Variants in ZFAT observed in about 807,000 individuals in gnomAD.
ZFAT encodes the protein zinc finger protein ZFAT.
In ZFAT, 64 loss-of-function variants were observed where a neutral mutation model predicts 117.7. The observed-to-expected ratio is 0.54, with a 90% CI of 0.44 to 0.67. The LOEUF (loss-of-function observed/expected upper bound fraction) is 0.67. Ranked by LOEUF, ZFAT falls within the 30% of genes least tolerant of loss-of-function variation. The pLI is 0.00. For synonymous variants in ZFAT, 679 were observed against 615.0 expected, an observed-to-expected ratio of 1.10 and a Z score of -1.54; for missense variants, 1,433 against 1,584.5, an observed-to-expected ratio of 0.90 and a Z score of 1.62.
At chr8:134,500,943 T>C (rs754233) in intron 15 of ZFAT, among the ~76,000 whole-genome samples, 8,592 of 152,312 alleles carry the variant, frequency 0.056, 420 homozygotes, top group East Asian at 0.29. Context: ...CAATTAAAGT[T>C]GGCAGAGGCC....
chr8:134,807,754 G>T, the ZFAT span, among the ~76,000 whole-genome samples: 1 of 149,232 alleles, frequency 6.7e-6, no homozygotes, highest in Non-Finnish European at 1.5e-5. Context: ...CTCCCAAAGA[G>T]ACTCTATTCT....
At chr8:134,680,218 C>T (rs1181059587) in intron 1 of ZFAT, among the ~76,000 whole-genome samples, 3 of 144,404 alleles carry the variant, frequency 2.1e-5, no homozygotes, top group Non-Finnish European at 1.5e-5. Flanking sequence ...GCCATGATCG[C>T]ACCACTGTAC....
intron 2 of ZFAT, among the ~76,000 whole-genome samples, chr8:134,642,130 C>A: frequency 6.6e-6 from 1 of 152,314 alleles, no homozygotes; most frequent in South Asian, 2.1e-4. Context: ...AGGGACACAA[C>A]GGTTCAAGTG....
At chr8:134,788,116 A>G in the ZFAT span, among the ~76,000 whole-genome samples, 12 of 152,160 alleles carry the variant, frequency 7.9e-5, no homozygotes, top group Admixed American at 4.6e-4. Context: ...TTTAGACTTC[A>G]AAGAACCAAC....
At chr8:134,586,858 T>A (rs1387098471) in intron 9 of ZFAT, among the ~76,000 whole-genome samples, 2 of 152,218 alleles carry the variant, frequency 1.3e-5, no homozygotes, top group African/African-American at 4.8e-5. Context: ...CACCACTTGT[T>A]AGCTGTGTGA....
the ZFAT span, among the ~76,000 whole-genome samples, chr8:134,762,011 T>TGTGTGC: frequency 1.3e-5 from 2 of 150,136 alleles, no homozygotes; most frequent in South Asian, 2.1e-4. Context: ...TGTGTGTGTG[T>TGTGTGC]GCAAATGTGT....
Position 134,614,250 on chromosome 8 carries a change from A to T in ZFAT, c.449-3595T>A, listed in dbSNP as rs113979711. On this transcript the variant is annotated intron_variant, in intron 3 of 15. Transcript: ENST00000377838. ...CATCAAGGCCATGACTTGCAAGCAC[A>T]CACCCTCATGTACTTATCTCCTACC... Among the ~76,000 whole-genome samples the T allele has an allele frequency of 3.6e-3, 549 of 152,292 alleles. 7 individuals are homozygous for T. Among genetic ancestry groups the T allele is most frequent in the African/African-American group, 0.013 (527 of 41,564 alleles).
intron 1 of ZFAT, among the ~76,000 whole-genome samples, chr8:134,667,774 G>A (rs1832309583): frequency 6.6e-6 from 1 of 152,086 alleles, no homozygotes; most frequent in South Asian, 2.1e-4. Flanking sequence ...AGGACAGTAG[G>A]TGCAGCCCAC....
chr8:134,690,588 C>T (rs1267469239), intron 1 of ZFAT, among the ~76,000 whole-genome samples: 1 of 152,132 alleles, frequency 6.6e-6, no homozygotes, highest in African/African-American at 2.4e-5. Flanking sequence ...GAATGAACTT[C>T]CCCCTAGTAT....
intron 9 of ZFAT, among the ~76,000 whole-genome samples, chr8:134,585,500 A>G (rs1266425465): frequency 6.6e-6 from 1 of 152,252 alleles, no homozygotes; most frequent in Non-Finnish European, 1.5e-5. Context: ...GTCCTGGAGA[A>G]GCCAAATTCC....
the ZFAT span, among the ~76,000 whole-genome samples, chr8:134,739,557 T>A: frequency 2.0e-5 from 3 of 152,260 alleles, no homozygotes; most frequent in Admixed American, 6.5e-5. Context: ...AGGCCCAGAT[T>A]CATGCATTCT....
At chr8:134,776,523 T>C in the ZFAT span, among the ~76,000 whole-genome samples, 2 of 152,172 alleles carry the variant, frequency 1.3e-5, no homozygotes, top group Non-Finnish European at 2.9e-5. Flanking sequence ...AGGCTTCGTT[T>C]TTTGTTGTTG....
At chr8:134,608,648 G>T in intron 5 of ZFAT, 81 bp downstream of exon 5, 1 of 1,502,730 alleles carries the variant, frequency 6.7e-7, no homozygotes, top group Non-Finnish European at 8.9e-7. Context: ...AAACGAACAA[G>T]CATGCTGATC....
the ZFAT span, among the ~76,000 whole-genome samples, chr8:134,819,719 G>A: frequency 6.6e-6 from 1 of 151,826 alleles, no homozygotes; most frequent in African/African-American, 2.4e-5. Flanking sequence ...ACCTTCCAGG[G>A]GAGTTTTTGA....
rs375403118 is a variant in ZFAT, at chr8:134,636,824, T to C, written c.448+637A>G. Among the ~76,000 whole-genome samples, 42 of 152,362 alleles carry C rather than the reference T, an allele frequency of 2.8e-4. 1 individual carries two copies. Among genetic ancestry groups the C allele is most frequent in the South Asian group, 1.7e-3 (8 of 4,830 alleles). On this transcript the variant is annotated intron_variant, in intron 3 of 15. Coordinates refer to ENST00000377838, the MANE Select transcript of ZFAT (RefSeq NM_020863.4). Reference sequence around the variant, plus strand: ...CATTCCCTGACCACATCTATCCGCCTTTCAGCCTCTTTTAGAAGCTGCTTC... The same window carrying C: ...CATTCCCTGACCACATCTATCCGCCCTTCAGCCTCTTTTAGAAGCTGCTTC...
At chr8:134,651,611 C>T (rs757120200) in intron 2 of ZFAT, among the ~76,000 whole-genome samples, 4 of 151,904 alleles carry the variant, frequency 2.6e-5, no homozygotes, top group Admixed American at 6.6e-5. Flanking sequence ...GAAGTAAATA[C>T]GCAGAATGCA....
the ZFAT span, among the ~76,000 whole-genome samples, chr8:134,778,747 T>C: frequency 6.6e-6 from 1 of 152,162 alleles, no homozygotes; most frequent in Non-Finnish European, 1.5e-5. Flanking sequence ...CAAGGACAAC[T>C]AAATATCAAA....
At chr8:134,545,468 A>C (rs1822623405) in intron 11 of ZFAT, among the ~76,000 whole-genome samples, 1 of 152,232 alleles carries the variant, frequency 6.6e-6, no homozygotes, top group Non-Finnish European at 1.5e-5. Context: ...CAGCCTGGGC[A>C]ACATAGCACG....
At chr8:134,575,226 A>G (rs1423801302) in intron 10 of ZFAT, among the ~76,000 whole-genome samples, 1 of 152,082 alleles carries the variant, frequency 6.6e-6, no homozygotes. Context: ...TCATATATGG[A>G]AAAAAAATAA....
Sources: gnomAD v4.1 joint callset for allele counts (sites outside exome capture counted in the v4.1 genomes callset) on GRCh38, gnomAD v4.1.1 for gene constraint, MANE v1.5 for transcripts, NCBI Gene and HGNC (gene_info 2026-07-23, HGNC 2026-07-21) for gene names.